The following KIRREL3 variants were observed in gnomAD, a reference collection of about 807,000 sequenced individuals.
The protein encoded by KIRREL3 is kirre like nephrin family adhesion molecule 3, also known as kin of IRRE-like protein 3.
A neutral mutation model predicts 89.7 loss-of-function variants in KIRREL3; 36 were observed. That is an observed-to-expected ratio of 0.40 (90% confidence interval 0.31 to 0.53). KIRREL3 has a LOEUF of 0.53. Among genes scored for constraint, KIRREL3 ranks in the 20% least tolerant of loss-of-function variants. The pLI is 0.49. For missense variants in KIRREL3, 864 were observed against 1,056.6 expected (o/e 0.82, Z 2.53); for synonymous variants, 445 against 441.4 (o/e 1.01, Z -0.10).
intron 2 of KIRREL3, among the ~76,000 whole-genome samples, chr11:126,546,896 T>C (rs1938852169): frequency 6.6e-6 from 1 of 152,184 alleles, no homozygotes; most frequent in Non-Finnish European, 1.5e-5. Flanking sequence ...GATGAGAACA[T>C]AGAGGTCAAG....
intron 4 of KIRREL3, among the ~76,000 whole-genome samples, chr11:126,518,483 C>T (rs1018919811): frequency 5.9e-5 from 9 of 152,248 alleles, no homozygotes; most frequent in African/African-American, 2.2e-4. Flanking sequence ...TTCGCGTCTT[C>T]CGCAGGTTCT....
chr11:126,549,480 C>A lies in KIRREL3; in HGVS notation c.133+13355G>T, dbSNP rs184479318. 2.6e-5 allele frequency: 4 copies of A among 152,328 alleles called. No homozygotes were observed. The East Asian group carries it at 7.7e-4, about 29-fold the overall frequency. The allele number at this position is 152,328 out of a possible 1,614,324, so 9.4% of individuals were successfully genotyped here. A position where few individuals can be genotyped will look rare whatever the true frequency, so the allele number is the denominator to read the frequency against. On this transcript the variant is annotated intron_variant, in intron 2 of 16. Transcript: ENST00000525144. ...TTGATAAAAGCCCTGGATAATTCAT[C>A]TCAGCCTGAACCTGCTCATTCCAGC...
In KIRREL3 at chr11:126,635,253, G is replaced by A. The variant is rs548476349; in HGVS notation, c.56-72341C>T. Among the ~76,000 whole-genome samples the A allele has an allele frequency of 1.3e-5, 2 of 152,174 alleles. No homozygotes were observed. Among genetic ancestry groups the A allele is most frequent in the Admixed American group, 1.3e-4 (2 of 15,278 alleles). ...GGCTTCCCTTCTAAATCCACTCATG[G>A]GGGGTGCCAGGTGCTTCCCTCCAAG... On this transcript the variant is annotated intron_variant, in intron 1 of 16. Transcript: ENST00000525144. This position sits in a 1 kb window ranked among gnomAD's most constrained non-coding sequence, Gnocchi z 4.0.
At position 126,519,637 on chromosome 11, in the gene KIRREL3, C is replaced by T. The variant is rs7943128; in HGVS notation, c.433+1678G>A. Among the ~76,000 whole-genome samples, 620 of 152,216 alleles carry T rather than the reference C, an allele frequency of 4.1e-3. 3 individuals are homozygous for T. Among genetic ancestry groups the T allele is most frequent in the African/African-American group, 0.014 (592 of 41,522 alleles). On this transcript the variant is annotated intron_variant, in intron 4 of 16. Coordinates refer to ENST00000525144, the MANE Select transcript of KIRREL3 (RefSeq NM_032531.4). This position sits in a 1 kb window ranked among gnomAD's most constrained non-coding sequence, Gnocchi z 4.3. ...TCCTGTGGTTCCAGCATCCTCTGGC[C>T]CCTCTAGAAGGTGTATGAGTCGGTA...
In KIRREL3 at chr11:126,719,227, C is replaced by T. The variant is rs1174746661; in HGVS notation, c.56-156315G>A. 6.6e-6 allele frequency among the ~76,000 whole-genome samples: 1 copy of T among 152,172 alleles called. No homozygotes were observed. Among genetic ancestry groups the T allele is most frequent in the Non-Finnish European group, 1.5e-5 (1 of 68,036 alleles). On this transcript the variant is annotated intron_variant, in intron 1 of 16. Transcript: ENST00000525144. The surrounding 1 kb of genome is among the most constrained non-coding windows in gnomAD (Gnocchi z 4.7). Reference sequence around the variant, plus strand: ...AATACGCCACTGAAACGGCTTCTTCCTAAATTACCAATGACTCCATGTTGA... The same window carrying T: ...AATACGCCACTGAAACGGCTTCTTCTTAAATTACCAATGACTCCATGTTGA...
At chr11:126,779,457 C>T (rs1002344515) in intron 1 of KIRREL3, among the ~76,000 whole-genome samples, 2 of 152,126 alleles carry the variant, frequency 1.3e-5, no homozygotes, top group Non-Finnish European at 2.9e-5. Context: ...TGTTGACAGC[C>T]TTTTCTACTT....
intron 1 of KIRREL3, among the ~76,000 whole-genome samples, chr11:126,648,812 A>C (rs1944793922): frequency 6.6e-6 from 1 of 152,254 alleles, no homozygotes; most frequent in Non-Finnish European, 1.5e-5. Flanking sequence ...AGAAATAAAT[A>C]TGGTAGCCCA....
In KIRREL3 at chr11:126,430,604, G is replaced by T. The variant is rs1366652317; in HGVS notation, c.1696+815C>A. ...CTGCTTAGCTCGGAGTGCAGAAAATGCAAGGGGAACAGCTTTCTTCAAACA... is the reference window on the plus strand; with the variant it reads ...CTGCTTAGCTCGGAGTGCAGAAAATTCAAGGGGAACAGCTTTCTTCAAACA... On this transcript the variant is annotated intron_variant, in intron 14 of 16. Coordinates refer to ENST00000525144, the MANE Select transcript of KIRREL3 (RefSeq NM_032531.4). This position sits in a 1 kb window ranked among gnomAD's most constrained non-coding sequence, Gnocchi z 6.6. 6.6e-6 allele frequency among the ~76,000 whole-genome samples: 1 copy of T among 152,202 alleles called. No homozygotes were observed. Among genetic ancestry groups the T allele is most frequent in the Admixed American group, 6.5e-5 (1 of 15,288 alleles).
chr11:126,570,578 G>A lies in KIRREL3; in HGVS notation c.56-7666C>T, dbSNP rs569478000. Among the ~76,000 whole-genome samples, 6 of 152,278 alleles carry A rather than the reference G, an allele frequency of 3.9e-5. No individual in the cohort carries two copies. The South Asian group carries it at 8.3e-4, about 21-fold the overall frequency. On this transcript the variant is annotated intron_variant, in intron 1 of 16. Coordinates refer to ENST00000525144, the MANE Select transcript of KIRREL3 (RefSeq NM_032531.4). This position sits in a 1 kb window ranked among gnomAD's most constrained non-coding sequence, Gnocchi z 6.1. ...CTCACACACCTGCTGATCACGTGCCGATCAGCACCTTACAGCTTGGTAAGC... is the reference window on the plus strand; with the variant it reads ...CTCACACACCTGCTGATCACGTGCCAATCAGCACCTTACAGCTTGGTAAGC...
intron 1 of KIRREL3, among the ~76,000 whole-genome samples, chr11:126,749,562 A>G (rs1480954018): frequency 6.6e-6 from 1 of 152,184 alleles, no homozygotes; most frequent in Non-Finnish European, 1.5e-5. Context: ...CTCTAAAGGA[A>G]ATAGGATCAT....
At chr11:126,449,478 A>T (rs769867589) in intron 7 of KIRREL3, among the ~76,000 whole-genome samples, 2 of 152,200 alleles carry the variant, frequency 1.3e-5, no homozygotes, top group African/African-American at 2.4e-5. Flanking sequence ...TGGCTAGACG[A>T]TGGAAAATCC....
chr11:126,472,719 A>AGAG (rs1315420296), intron 5 of KIRREL3, among the ~76,000 whole-genome samples: 1 of 151,944 alleles, frequency 6.6e-6, no homozygotes, highest in Non-Finnish European at 1.5e-5. Context: ...AGAGAGAGAG[A>AGAG]GAGAGAGAGA....
At position 126,622,353 on chromosome 11, in the gene KIRREL3, G is replaced by T. The variant is rs1351021370; in HGVS notation, c.56-59441C>A. Among the ~76,000 whole-genome samples the T allele has an allele frequency of 6.6e-6, 1 of 152,194 alleles. No homozygotes were observed. The highest frequency in any genetic ancestry group is 1.5e-5 in the Non-Finnish European group (1 of 68,036). ...TGCATCCCCATTCTCTGGATTTGGG[G>T]TCATTCTCTTGCCTTGGAGTCTGGA... On this transcript the variant is annotated intron_variant, in intron 1 of 16. Transcript: ENST00000525144. This position sits in a 1 kb window ranked among gnomAD's most constrained non-coding sequence, Gnocchi z 5.2.
chr11:126,596,492 G>A (rs1254345741), intron 1 of KIRREL3, among the ~76,000 whole-genome samples: 1 of 152,236 alleles, frequency 6.6e-6, no homozygotes, highest in Non-Finnish European at 1.5e-5. Context: ...CCCTTCTGAA[G>A]GGGGGAAGGT....
Position 126,976,129 on chromosome 11 carries a change from C to T in KIRREL3, c.55+24326G>A, listed in dbSNP as rs1305972236. On this transcript the variant is annotated intron_variant, in intron 1 of 16. Coordinates refer to ENST00000525144, the MANE Select transcript of KIRREL3 (RefSeq NM_032531.4). The surrounding 1 kb of genome is among the most constrained non-coding windows in gnomAD (Gnocchi z 4.2). ...TTTCTACAGAGGATGCTGAGAAGCACATTATTTGTCACCATGCCACATTGT... is the reference window on the plus strand; with the variant it reads ...TTTCTACAGAGGATGCTGAGAAGCATATTATTTGTCACCATGCCACATTGT... Among the ~76,000 whole-genome samples, 1 of 151,890 alleles carries T rather than the reference C, an allele frequency of 6.6e-6. No homozygotes were observed.
chr11:126,725,339 C>G lies in KIRREL3; in HGVS notation c.56-162427G>C, dbSNP rs568631324. On this transcript the variant is annotated intron_variant, in intron 1 of 16. Transcript: ENST00000525144. Reference sequence around the variant, plus strand: ...GGCAGAGTGCGCTATCAGGAGCGATCAAAGCAAAAAAAAGGGTTCATTTCA... The same window carrying G: ...GGCAGAGTGCGCTATCAGGAGCGATGAAAGCAAAAAAAAGGGTTCATTTCA... Among the ~76,000 whole-genome samples the G allele has an allele frequency of 1.4e-4, 5 of 34,994 alleles. No homozygotes were observed. The East Asian group carries it at 0.064, about 449-fold the overall frequency. 23.0% of individuals were successfully genotyped at this position (34,994 alleles called of 152,430 possible).
chr11:126,816,750 C>T (rs567086029), intron 1 of KIRREL3, among the ~76,000 whole-genome samples: 4 of 152,174 alleles, frequency 2.6e-5, no homozygotes, highest in African/African-American at 9.7e-5. Context: ...CTCTTCTTTG[C>T]GCCAAAGCCT....
At position 126,605,364 on chromosome 11, in the gene KIRREL3, C is replaced by A; in HGVS notation, c.56-42452G>T. ...CGTCGGGAGTGGGAGCAATGGAGCA[C>A]CCATGGTCTCCAGGTCTCAGGCCAC... is the stretch of plus-strand genomic sequence containing the variant. On this transcript the variant is annotated intron_variant, in intron 1 of 16. Coordinates refer to ENST00000525144, the MANE Select transcript of KIRREL3 (RefSeq NM_032531.4). The surrounding 1 kb of genome is among the most constrained non-coding windows in gnomAD (Gnocchi z 5.7). Among the ~76,000 whole-genome samples the A allele has an allele frequency of 6.6e-6, 1 of 152,162 alleles. No individual in the cohort carries two copies. Among genetic ancestry groups the A allele is most frequent in the Non-Finnish European group, 1.5e-5 (1 of 68,032 alleles).
At chr11:126,661,689 T>C (rs759378763) in intron 1 of KIRREL3, among the ~76,000 whole-genome samples, 1 of 152,328 alleles carries the variant, frequency 6.6e-6, no homozygotes, top group South Asian at 2.1e-4. Flanking sequence ...GTGCTCATCA[T>C]TGGCTGCATG....
Sources: allele counts gnomAD v4.1 joint callset (sites outside exome capture counted in the v4.1 genomes callset), GRCh38; gene constraint gnomAD v4.1.1; non-coding constraint Gnocchi (gnomAD v3.1); transcripts MANE v1.5; gene names NCBI Gene and HGNC (gene_info 2026-07-23, HGNC 2026-07-21).